Variants in FSTL4 observed in about 807,000 individuals in gnomAD.
The protein encoded by FSTL4 is follistatin-related protein 4.
FSTL4 carries 28 observed loss-of-function variants against 78.2 expected under a neutral mutation model. The observed-to-expected ratio is 0.36, with a 90% CI of 0.27 to 0.49. The LOEUF (loss-of-function observed/expected upper bound fraction) is 0.49, where lower values mean the gene tolerates loss of function less well. Ranked by LOEUF, FSTL4 falls within the 20% of genes least tolerant of loss-of-function variation. FSTL4 has a pLI of 0.98. For synonymous variants in FSTL4, 422 were observed against 440.5 expected (o/e 0.96, Z 0.53); for missense variants, 922 against 1,084.9 (o/e 0.85, Z 2.11).
At chr5:133,235,134 C>A (rs1236710371) in intron 7 of FSTL4, among the ~76,000 whole-genome samples, 3 of 152,130 alleles carry the variant, frequency 2.0e-5, no homozygotes, top group African/African-American at 7.2e-5. Context: ...CTGATGTTCT[C>A]TCTTGCTAAC....
intron 3 of FSTL4, among the ~76,000 whole-genome samples, chr5:133,451,036 A>G (rs1757374509): frequency 6.6e-6 from 1 of 152,144 alleles, no homozygotes; most frequent in Non-Finnish European, 1.5e-5. Flanking sequence ...TGGGAGAGGA[A>G]GAAGAATGGA....
chr5:133,806,752 C>G, the FSTL4 span, among the ~76,000 whole-genome samples: 2 of 152,306 alleles, frequency 1.3e-5, no homozygotes, highest in South Asian at 2.1e-4. Context: ...GTACCAATTA[C>G]TGGTATTAGC....
intron 3 of FSTL4, among the ~76,000 whole-genome samples, chr5:133,401,795 G>A (rs1226256207): frequency 2.6e-5 from 4 of 152,128 alleles, no homozygotes; most frequent in East Asian, 1.9e-4. Flanking sequence ...TCCCCCAGCC[G>A]CCCTGTGGGT....
the FSTL4 span, among the ~76,000 whole-genome samples, chr5:133,669,833 C>T: frequency 6.6e-6 from 1 of 152,198 alleles, no homozygotes; most frequent in African/African-American, 2.4e-5. Flanking sequence ...AGGCTAACCT[C>T]CCCGCACTGC....
chr5:133,603,915 C>A lies in FSTL4; in HGVS notation c.69G>T (p.Trp23Cys). The change falls in exon 2 of 16, where the codon TGG (tryptophan) becomes TGT (cysteine). Residue 23 changes from tryptophan (W) to cysteine (C), a missense_variant. Coordinates refer to ENST00000265342, the MANE Select transcript of FSTL4 (RefSeq NM_015082.2). ...LGASLPAALG[W>C]MDPGTSRGPD... is the part of the protein sequence containing the mutation. ...GGCCTCTGCTGGTTCCTGGGTCCAT[C>A]CATCCCAGCGCAGCCGGCAGGGAGG... The A allele has an allele frequency of 1.2e-6, 2 of 1,614,000 alleles. No homozygotes were observed. The highest frequency in any genetic ancestry group is 1.7e-6 in the Non-Finnish European group (2 of 1,179,840).
chr5:133,674,654 G>A, the FSTL4 span, among the ~76,000 whole-genome samples: 1 of 152,008 alleles, frequency 6.6e-6, no homozygotes, highest in Non-Finnish European at 1.5e-5. Flanking sequence ...ACCGATGCAT[G>A]AGAGCGACCT....
the FSTL4 span, among the ~76,000 whole-genome samples, chr5:133,774,103 C>CA: frequency 6.6e-6 from 1 of 152,088 alleles, no homozygotes; most frequent in South Asian, 2.1e-4. Flanking sequence ...CAGAGAAGGA[C>CA]AAAATGAAAA....
In FSTL4 at chr5:133,450,482, G is replaced by T. The variant is rs368193832; in HGVS notation, c.161-49496C>A. The stretch of plus-strand genomic sequence containing the variant: ...CACTCACGGCCCACAGGGCCCAGGG[G>T]AGCTCTGAGAACCACCACTGGTCTT... On this transcript the variant is annotated intron_variant, in intron 3 of 15. Coordinates refer to ENST00000265342, the MANE Select transcript of FSTL4 (RefSeq NM_015082.2). Among the ~76,000 whole-genome samples the T allele has an allele frequency of 2.6e-5, 4 of 152,254 alleles. No individual in the cohort carries two copies. In the East Asian group the frequency reaches 7.7e-4, roughly 29 times the overall value.
chr5:133,834,158 G>T, the FSTL4 span, among the ~76,000 whole-genome samples: 2 of 152,206 alleles, frequency 1.3e-5, no homozygotes, highest in African/African-American at 4.8e-5. Flanking sequence ...GGTTCATAAG[G>T]AGGATCATAT....
the FSTL4 span, among the ~76,000 whole-genome samples, chr5:133,625,129 G>A: frequency 5.3e-5 from 8 of 151,714 alleles, no homozygotes; most frequent in African/African-American, 1.7e-4. Context: ...GGTAATACTA[G>A]CTTCATAATA....
chr5:133,790,881 C>A, the FSTL4 span, among the ~76,000 whole-genome samples: 3 of 152,256 alleles, frequency 2.0e-5, no homozygotes, highest in African/African-American at 7.2e-5. Context: ...AGCCTCCTGA[C>A]TGGCTCCCTG....
chr5:133,578,304 C>T (rs1760328487), intron 2 of FSTL4, among the ~76,000 whole-genome samples: 1 of 152,264 alleles, frequency 6.6e-6, no homozygotes, highest in African/African-American at 2.4e-5. Flanking sequence ...ATCTGAATCA[C>T]CTGATTGTTT....
At chr5:133,720,096 C>T in the FSTL4 span, among the ~76,000 whole-genome samples, 4 of 152,072 alleles carry the variant, frequency 2.6e-5, no homozygotes, top group African/African-American at 9.7e-5. Context: ...ACTTTAGCAG[C>T]AAGAAATATC....
the FSTL4 span, among the ~76,000 whole-genome samples, chr5:133,740,029 A>C: frequency 6.6e-6 from 1 of 152,024 alleles, no homozygotes; most frequent in Non-Finnish European, 1.5e-5. Context: ...AGTAGCAAGG[A>C]CCACAAGGGT....
chr5:133,444,902 G>C (rs949617559), intron 3 of FSTL4, among the ~76,000 whole-genome samples: 2 of 152,194 alleles, frequency 1.3e-5, no homozygotes, highest in Admixed American at 6.5e-5. Context: ...AGGGCGAGAT[G>C]CCAGATTGCT....
intron 6 of FSTL4, among the ~76,000 whole-genome samples, chr5:133,260,168 C>A (rs115664994): frequency 6.6e-6 from 1 of 152,156 alleles, no homozygotes; most frequent in Non-Finnish European, 1.5e-5. Flanking sequence ...TCCGGCGGGC[C>A]GCTCGAGCAG....
the FSTL4 span, among the ~76,000 whole-genome samples, chr5:133,680,212 G>T: frequency 9.2e-5 from 14 of 152,142 alleles, no homozygotes; most frequent in Admixed American, 7.9e-4. Flanking sequence ...TCATTTGCTT[G>T]TATGTTCATT....
At chr5:133,377,693 A>G (rs1755469615) in intron 4 of FSTL4, among the ~76,000 whole-genome samples, 1 of 152,210 alleles carries the variant, frequency 6.6e-6, no homozygotes, top group Non-Finnish European at 1.5e-5. Flanking sequence ...TGTGCAGTAG[A>G]AGCACCAGAA....
chr5:133,536,583 A>G (rs112758699), intron 3 of FSTL4, among the ~76,000 whole-genome samples: 1 of 152,234 alleles, frequency 6.6e-6, no homozygotes, highest in African/African-American at 2.4e-5. Flanking sequence ...TATGAATAGA[A>G]GCAAAGTAGT....
Sources: allele counts gnomAD v4.1 joint callset (sites outside exome capture counted in the v4.1 genomes callset), GRCh38; gene constraint gnomAD v4.1.1; transcripts MANE v1.5; gene names NCBI Gene and HGNC (gene_info 2026-07-23, HGNC 2026-07-21).